Variants in EPHA6 observed in about 807,000 individuals in gnomAD.
EPHA6 encodes the protein ephrin type-A receptor 6.
EPHA6 carries 50 observed loss-of-function variants against 112.0 expected under a neutral mutation model. The observed-to-expected ratio is 0.45, with a 90% CI of 0.36 to 0.56. The LOEUF (loss-of-function observed/expected upper bound fraction) is 0.56, where lower values mean the gene tolerates loss of function less well. Among genes scored for constraint, EPHA6 ranks in the 20% least tolerant of loss-of-function variants. EPHA6 has a pLI of 0.00. For missense variants in EPHA6, 1,280 were observed against 1,417.4 expected, an observed-to-expected ratio of 0.90 and a Z score of 1.56; for synonymous variants, 529 against 490.7, an observed-to-expected ratio of 1.08 and a Z score of -1.03.
chr3:97,551,576 TTAGTTTTTATTC>T (rs1330875230), intron 11 of EPHA6, among the ~76,000 whole-genome samples: 1 of 152,162 alleles, frequency 6.6e-6, no homozygotes, highest in African/African-American at 2.4e-5. Context: ...TGAAATAGGT[TTAGTTTTTATTC>T]TAGCATAGCC....
intron 5 of EPHA6, among the ~76,000 whole-genome samples, chr3:97,256,785 A>G (rs137953506): frequency 1.3e-5 from 2 of 152,138 alleles, no homozygotes; most frequent in Non-Finnish European, 2.9e-5. Context: ...ATTTGTTGCT[A>G]GGATAATGCA....
At chr3:97,652,021 C>T (rs894278302) in intron 14 of EPHA6, among the ~76,000 whole-genome samples, 2 of 151,904 alleles carry the variant, frequency 1.3e-5, no homozygotes, top group South Asian at 2.1e-4. Context: ...CTAGTAGTCC[C>T]GAGTGTCTAT....
intron 3 of EPHA6, among the ~76,000 whole-genome samples, chr3:97,120,897 A>G (rs2048022819): frequency 6.6e-6 from 1 of 151,962 alleles, no homozygotes; most frequent in Non-Finnish European, 1.5e-5. Flanking sequence ...AAAAATAAAC[A>G]CTGGCTTCTA....
intron 10 of EPHA6, among the ~76,000 whole-genome samples, chr3:97,525,396 C>G (rs961601676): frequency 1.1e-4 from 17 of 152,036 alleles, no homozygotes; most frequent in African/African-American, 3.9e-4. Context: ...GCATTGTTCT[C>G]CTTATTTCTT....
intron 14 of EPHA6, among the ~76,000 whole-genome samples, chr3:97,693,150 A>G (rs1049132359): frequency 1.3e-5 from 2 of 152,232 alleles, no homozygotes; most frequent in African/African-American, 2.4e-5. Context: ...GATTGAGCAC[A>G]TATGAAGTAC....
At chr3:96,822,630 C>T (rs2033348994) in intron 1 of EPHA6, among the ~76,000 whole-genome samples, 1 of 151,226 alleles carries the variant, frequency 6.6e-6, no homozygotes, top group African/African-American at 2.4e-5. Context: ...TTATTTTACT[C>T]TTGTAATGTT....
chr3:96,909,231 T>C (rs975804985), intron 2 of EPHA6, among the ~76,000 whole-genome samples: 12 of 151,962 alleles, frequency 7.9e-5, no homozygotes, highest in Admixed American at 5.9e-4. Context: ...CTAATTAGTG[T>C]AGATGAAGAT....
chr3:97,665,846 A>C (rs901895340), intron 14 of EPHA6, among the ~76,000 whole-genome samples: 3 of 152,198 alleles, frequency 2.0e-5, no homozygotes, highest in Non-Finnish European at 4.4e-5. Context: ...TCACGAGATC[A>C]GGGGTTCGAC....
chr3:96,966,711 A>G (rs569008430), intron 2 of EPHA6, among the ~76,000 whole-genome samples: 39 of 152,140 alleles, frequency 2.6e-4, no homozygotes, highest in African/African-American at 9.1e-4. Flanking sequence ...TTGTGATGAG[A>G]TTTATGCTGA....
chr3:97,092,264 C>T (rs2047094159), intron 3 of EPHA6, among the ~76,000 whole-genome samples: 1 of 151,864 alleles, frequency 6.6e-6, no homozygotes, highest in South Asian at 2.1e-4. Flanking sequence ...TTATTCTGCA[C>T]CTGTCATTGT....
chr3:97,376,723 C>G (rs2109003184), intron 5 of EPHA6, among the ~76,000 whole-genome samples: 1 of 152,242 alleles, frequency 6.6e-6, no homozygotes, highest in Admixed American at 6.5e-5. Flanking sequence ...TTTCTACATT[C>G]ATTGAGGGAT....
intron 3 of EPHA6, among the ~76,000 whole-genome samples, chr3:97,123,351 T>C (rs1222893466): frequency 6.6e-6 from 1 of 152,124 alleles, no homozygotes; most frequent in Non-Finnish European, 1.5e-5. Flanking sequence ...GTTCATTGTA[T>C]ATTCATACTA....
chr3:97,041,901 AG>A (rs1306327067), intron 3 of EPHA6, among the ~76,000 whole-genome samples: 1 of 152,090 alleles, frequency 6.6e-6, no homozygotes, highest in Non-Finnish European at 1.5e-5. Flanking sequence ...ACCTCCCCTT[AG>A]GCCCCTCCTC....
chr3:96,883,824 C>T (rs1290849756), intron 2 of EPHA6, among the ~76,000 whole-genome samples: 1 of 152,102 alleles, frequency 6.6e-6, no homozygotes, highest in Non-Finnish European at 1.5e-5. Flanking sequence ...CCCGCCACCA[C>T]ACCTGGCTAA....
intron 5 of EPHA6, among the ~76,000 whole-genome samples, chr3:97,289,910 T>G (rs1404916019): frequency 1.6e-4 from 24 of 152,090 alleles, no homozygotes; most frequent in Admixed American, 1.6e-3. Context: ...AGAACCAACT[T>G]TTATTTTTGT....
rs2035766314 is a variant in EPHA6 at position 97,747,470 on chromosome 3, C to A, written c.3176C>A (p.Thr1059Lys). Residue 1059 changes from threonine to lysine, a missense_variant, in exon 17 of 18, where the codon ACA (threonine) becomes AAA (lysine). Around this residue, in one of 4 missense-constraint regions of EPHA6, gnomAD observed 145 missense variants for 153.3 expected, o/e 0.95. Coordinates refer to ENST00000389672, the MANE Select transcript of EPHA6 (RefSeq NM_001080448.3). ...GTTCCGGAATATCCTTTGTTTGTCA[C>A]AGTTGGTGACTGGCTAGATTCTATA... is the stretch of plus-strand genomic sequence containing the variant. The part of the protein sequence containing the change: ...GEVPEYPLFV[T>K]VGDWLDSIKM... 1 of 1,603,082 alleles carries A rather than the reference C, an allele frequency of 6.2e-7. No individual in the cohort carries two copies. The highest frequency in any genetic ancestry group is 8.5e-7 in the Non-Finnish European group (1 of 1,174,448).
intron 11 of EPHA6, among the ~76,000 whole-genome samples, chr3:97,587,266 C>T (rs1196670257): frequency 6.6e-6 from 1 of 151,772 alleles, no homozygotes; most frequent in African/African-American, 2.4e-5. Context: ...AACTATCTTA[C>T]TTCTGAATGC....
chr3:97,378,458 G>A (rs963012717), intron 5 of EPHA6, among the ~76,000 whole-genome samples: 1 of 152,188 alleles, frequency 6.6e-6, no homozygotes. Flanking sequence ...ACCACCTAGT[G>A]GAGCTGTGAG....
intron 11 of EPHA6, among the ~76,000 whole-genome samples, chr3:97,577,268 G>A (rs2093395468): frequency 6.6e-6 from 1 of 152,004 alleles, no homozygotes; most frequent in South Asian, 2.1e-4. Context: ...AAATTGCAAA[G>A]GAAGAAAAGA....
Sources: allele counts gnomAD v4.1 joint callset (sites outside exome capture counted in the v4.1 genomes callset), GRCh38; gene constraint gnomAD v4.1.1; regional missense constraint gnomAD v4.1.1; transcripts MANE v1.5; gene names NCBI Gene and HGNC (gene_info 2026-07-23, HGNC 2026-07-21).